RNF185: variants seen among roughly 807,000 people sequenced by gnomAD.
RNF185 encodes the protein ring finger protein 185, also known as E3 ubiquitin-protein ligase RNF185.
In RNF185, 13 loss-of-function variants were observed where a neutral mutation model predicts 24.9. That is an observed-to-expected ratio of 0.52 (90% CI 0.34 to 0.83). The LOEUF (loss-of-function observed/expected upper bound fraction) is 0.83, where lower values mean the gene tolerates loss of function less well. Among genes scored for constraint, RNF185 ranks in the 40% least tolerant of loss-of-function variants. The probability of loss-of-function intolerance (pLI) is 0.01; values close to 1 mark genes in which losing one functional copy is unlikely to be tolerated. For missense variants in RNF185, 184 were observed against 244.7 expected (o/e 0.75, Z 1.65); for synonymous variants, 79 against 90.3 (o/e 0.88, Z 0.71).
chr22:31,201,793 C>T (rs1409478860), intron 6 of RNF185, among the ~76,000 whole-genome samples, 178 bp downstream of exon 6: 1 of 152,160 alleles, frequency 6.6e-6, no homozygotes, highest in Non-Finnish European at 1.5e-5. Flanking sequence ...ATGCTGAGCA[C>T]TTACCAACTA....
intron 1 of RNF185, among the ~76,000 whole-genome samples, chr22:31,161,253 C>G (rs1260659054): frequency 2.6e-5 from 4 of 152,204 alleles, no homozygotes; most frequent in Non-Finnish European, 2.9e-5. Flanking sequence ...GCCTCCGTGC[C>G]TCCTTTCGAG....
At chr22:31,165,250 C>T (rs1923846365) in intron 1 of RNF185, among the ~76,000 whole-genome samples, 1 of 152,114 alleles carries the variant, frequency 6.6e-6, no homozygotes, top group Admixed American at 6.6e-5. Flanking sequence ...GTTCCAGTTT[C>T]TCCGCATCCA....
chr22:31,162,972 G>T (rs967428599), intron 1 of RNF185, among the ~76,000 whole-genome samples: 1 of 151,884 alleles, frequency 6.6e-6, no homozygotes, highest in African/African-American at 2.4e-5. Flanking sequence ...CACTGTGTTA[G>T]CCAGGATGGT....
chr22:31,188,536 A>G (rs1189331928), intron 2 of RNF185, among the ~76,000 whole-genome samples: 2 of 152,188 alleles, frequency 1.3e-5, no homozygotes, highest in African/African-American at 4.8e-5. Flanking sequence ...AAATGTGTAC[A>G]GCTATTATGG....
rs1434298768 is a variant in RNF185, at chr22:31,204,899, G to C, written c.*313G>C. The stretch of plus-strand genomic sequence containing the variant: ...ACTCTGCAGAGGGAAGAGGCAGAAA[G>C]AGAGAAACTGTCAGAGTATAATTTC... On this transcript the variant is annotated 3_prime_UTR_variant, in exon 7 of 7. Coordinates refer to ENST00000326132, the MANE Select transcript of RNF185 (RefSeq NM_152267.4). 1.0e-4 allele frequency: 27 copies of C among 265,222 alleles called. No individual in the cohort carries two copies. The highest frequency in any genetic ancestry group is 2.7e-3 in the Middle Eastern group (2 of 742). The allele number at this position is 265,222 out of a possible 1,614,324, so 16.4% of individuals were successfully genotyped here.
chr22:31,200,338 C>T (rs887402430), intron 5 of RNF185, among the ~76,000 whole-genome samples: 1 of 152,026 alleles, frequency 6.6e-6, no homozygotes, highest in Non-Finnish European at 1.5e-5. Context: ...GGCTTGGTGA[C>T]AGAGCGAGAC....
chr22:31,184,052 T>G (rs1420369901), intron 1 of RNF185, among the ~76,000 whole-genome samples: 3 of 138,366 alleles, frequency 2.2e-5, no homozygotes, highest in Non-Finnish European at 3.1e-5. Context: ...GGCTGGCCGG[T>G]CGGGGGCTGC....
At chr22:31,200,200 T>G (rs1451214690) in intron 5 of RNF185, among the ~76,000 whole-genome samples, 1 of 151,772 alleles carries the variant, frequency 6.6e-6, no homozygotes, top group Non-Finnish European at 1.5e-5. Context: ...GTACAAAAAA[T>G]TTAAAAATTA....
chr22:31,180,915 CTGTG>C (rs567264606), intron 1 of RNF185, among the ~76,000 whole-genome samples: 114 of 96,876 alleles, frequency 1.2e-3, no homozygotes, highest in Non-Finnish European at 1.7e-3. Flanking sequence ...CTCTCTCTCT[CTGTG>C]TGTGTGTGTG....
chr22:31,162,241 G>A (rs946114487), intron 1 of RNF185, among the ~76,000 whole-genome samples: 4 of 152,060 alleles, frequency 2.6e-5, no homozygotes, highest in African/African-American at 7.2e-5. Flanking sequence ...GCCAGTTATC[G>A]ACTTGTGTTT....
chr22:31,182,484 G>A (rs1336658560), intron 1 of RNF185, among the ~76,000 whole-genome samples: 2 of 151,984 alleles, frequency 1.3e-5, no homozygotes, highest in African/African-American at 4.8e-5. Flanking sequence ...TGTTTTGGTA[G>A]AGATAGGGTT....
intron 1 of RNF185, among the ~76,000 whole-genome samples, chr22:31,171,065 T>G (rs1329387684): frequency 2.0e-5 from 3 of 152,154 alleles, no homozygotes; most frequent in Non-Finnish European, 4.4e-5. Flanking sequence ...AAGGCACTTC[T>G]TAGTGTGAGA....
At chr22:31,168,310 G>A (rs1049548722) in intron 1 of RNF185, among the ~76,000 whole-genome samples, 7 of 152,150 alleles carry the variant, frequency 4.6e-5, no homozygotes, top group Non-Finnish European at 1.0e-4. Context: ...GGGCACCACT[G>A]CACCCAGCTT....
rs910194969 is a variant in RNF185, at chr22:31,160,243, A to T, written c.-109A>T. ...TTACCCAACAGATTGACGCGGCGTTAGTATTGGCCGTGTACCCGAAAAACT... is the reference window on the plus strand; with the variant it reads ...TTACCCAACAGATTGACGCGGCGTTTGTATTGGCCGTGTACCCGAAAAACT... On this transcript the variant is annotated 5_prime_UTR_variant, in exon 1 of 7. Coordinates refer to ENST00000326132, the MANE Select transcript of RNF185 (RefSeq NM_152267.4). 2 of 144,600 alleles carry T rather than the reference A, an allele frequency of 1.4e-5. No homozygotes were observed. Among genetic ancestry groups the T allele is most frequent in the Middle Eastern group, 3.4e-3 (1 of 292 alleles). The allele number at this position is 144,600 out of a possible 1,614,324, so 9.0% of individuals were successfully genotyped here. A position where few individuals can be genotyped will look rare whatever the true frequency, so the allele number is the denominator to read the frequency against.
At chr22:31,204,129 G>A (rs1176793329) in intron 6 of RNF185, among the ~76,000 whole-genome samples, 1 of 151,672 alleles carries the variant, frequency 6.6e-6, no homozygotes, top group Non-Finnish European at 1.5e-5. Context: ...CGGATCACAA[G>A]GTCAGGAGTT....
chr22:31,182,968 G>C (rs2048054334), intron 1 of RNF185: 1 of 150,250 alleles, frequency 6.7e-6, no homozygotes, highest in Non-Finnish European at 1.5e-5. Context: ...TTGTCACCCA[G>C]GTTGGAGTGC....
At chr22:31,189,135 A>ATATGTGTGTGTGTGTGTGTGTGTG (rs368967009) in intron 2 of RNF185, among the ~76,000 whole-genome samples, 40 of 136,904 alleles carry the variant, frequency 2.9e-4, no homozygotes, top group Non-Finnish European at 5.3e-4. Context: ...CAAAAAAAAA[A>ATATGTGTGTGTGTGTGTGTGTGTG]TGTGTGTGTG....
chr22:31,192,837 T>C (rs2048168882), intron 3 of RNF185, 135 bp downstream of exon 3: 1 of 766,922 alleles, frequency 1.3e-6, no homozygotes, highest in African/African-American at 1.7e-5. Flanking sequence ...CCCCACAGCC[T>C]TCTTTACATA....
At position 31,195,548 on chromosome 22, in the gene RNF185, A is replaced by G; in HGVS notation, c.275A>G (p.Tyr92Cys). 6.2e-7 allele frequency: 1 copy of G among 1,610,438 alleles called. No individual in the cohort carries two copies. Among genetic ancestry groups the G allele is most frequent in the Non-Finnish European group, 8.5e-7 (1 of 1,178,378 alleles). Reference protein sequence around the residue: ...GISRDKVIPLYGRGSTGQQDP... With the variant: ...GISRDKVIPLCGRGSTGQQDP... ...AGCCGAGACAAGGTCATCCCCCTCT[A>G]TGGAAGGGGCAGCACTGGGCAACAG... Residue 92 changes from tyrosine (Y) to cysteine (C), a missense_variant, in exon 4 of 7, where the codon TAT (tyrosine) becomes TGT (cysteine). Physicochemically the swap from Tyr to Cys is radical, Grantham distance 194. Transcript: ENST00000326132.
Sources: allele counts gnomAD v4.1 joint callset (sites outside exome capture counted in the v4.1 genomes callset), GRCh38; gene constraint gnomAD v4.1.1; transcripts MANE v1.5; gene names NCBI Gene and HGNC (gene_info 2026-07-23, HGNC 2026-07-21).